C2orf42: variants seen among roughly 807,000 people sequenced by gnomAD.
C2orf42 encodes the protein uncharacterized protein C2orf42.
A neutral mutation model predicts 58.9 loss-of-function variants in C2orf42; 44 were observed. The observed-to-expected ratio is 0.75, with a 90% confidence interval of 0.59 to 0.96. The LOEUF (loss-of-function observed/expected upper bound fraction) is 0.96. C2orf42 is among the 40% of genes least tolerant of loss of function. The probability of loss-of-function intolerance (pLI) is 0.00; values close to 1 mark genes in which losing one functional copy is unlikely to be tolerated. For synonymous variants in C2orf42, 239 were observed against 265.4 expected, an observed-to-expected ratio of 0.90 and a Z score of 0.97; for missense variants, 630 against 699.2, an observed-to-expected ratio of 0.90 and a Z score of 1.12.
chr2:70,149,940 G>C lies in C2orf42; in HGVS notation c.*416C>G, dbSNP rs1014333472. Reference sequence around the variant, plus strand: ...GAGAACAGAATAAAGAGCGTGGCTGGAACTCTGCCAAGATGGTCTTTAACA... The same window carrying C: ...GAGAACAGAATAAAGAGCGTGGCTGCAACTCTGCCAAGATGGTCTTTAACA... On this transcript the variant is annotated 3_prime_UTR_variant, in exon 10 of 10. Coordinates refer to ENST00000264434, the MANE Select transcript of C2orf42 (RefSeq NM_017880.3). 1.0e-5 allele frequency: 2 copies of C among 195,890 alleles called. No homozygotes were observed. The highest frequency in any genetic ancestry group is 4.7e-5 in the African/African-American group (2 of 42,326). The allele number at this position is 195,890 out of a possible 1,614,324, so 12.1% of individuals were successfully genotyped here.
intron 9 of C2orf42, among the ~76,000 whole-genome samples, chr2:70,158,306 G>T (rs989460511): frequency 1.3e-5 from 2 of 151,870 alleles, no homozygotes; most frequent in South Asian, 4.1e-4. Context: ...CAACTAATTT[G>T]AAATTTTAAA....
In C2orf42 at chr2:70,162,173, G is replaced by A. The variant is rs1373760858; in HGVS notation, c.1354-1386C>T. Reference sequence around the variant, plus strand: ...ATTACAGGAGCAAGCCACCACGCCCGGCTAATTTTTGTATTCTAGTAGAGA... The same window carrying A: ...ATTACAGGAGCAAGCCACCACGCCCAGCTAATTTTTGTATTCTAGTAGAGA... On this transcript the variant is annotated intron_variant, in intron 8 of 9. Transcript: ENST00000264434. 4.6e-5 allele frequency among the ~76,000 whole-genome samples: 7 copies of A among 151,378 alleles called. 1 individual carries two copies. In the South Asian group the frequency reaches 6.3e-4, roughly 14 times the overall value.
intron 4 of C2orf42, among the ~76,000 whole-genome samples, chr2:70,177,497 T>C (rs1339430087): frequency 6.6e-6 from 1 of 152,136 alleles, no homozygotes; most frequent in Non-Finnish European, 1.5e-5. Context: ...CCTGCCAGAA[T>C]TGCCTCTCTA....
chr2:70,154,065 AAACAAAC>A (rs1672486071), intron 9 of C2orf42, among the ~76,000 whole-genome samples: 2 of 113,262 alleles, frequency 1.8e-5, no homozygotes, highest in African/African-American at 1.1e-4. Flanking sequence ...AAAAACAAAC[AAACAAAC>A]AAAAAAAAAA....
chr2:70,170,422 T>C lies in C2orf42; in HGVS notation c.1040-761A>G, dbSNP rs1673730790. On this transcript the variant is annotated intron_variant, in intron 5 of 9. Coordinates refer to ENST00000264434, the MANE Select transcript of C2orf42 (RefSeq NM_017880.3). ...ACCATGCCCAGCCAATTTTGTTTTCTTTTTAATAGAGACAGGGTTTTTGCC... is the reference window on the plus strand; with the variant it reads ...ACCATGCCCAGCCAATTTTGTTTTCCTTTTAATAGAGACAGGGTTTTTGCC... Among the ~76,000 whole-genome samples, 3 of 151,848 alleles carry C rather than the reference T, an allele frequency of 2.0e-5. No homozygotes were observed. In the South Asian group the frequency reaches 6.2e-4, roughly 32 times the overall value.
intron 5 of C2orf42, 104 bp from the exon 6 acceptor site, chr2:70,169,765 T>A: frequency 1.6e-6 from 1 of 633,690 alleles, no homozygotes; most frequent in East Asian, 2.8e-5. Context: ...TTTATTTTTA[T>A]TTTATTTTTT....
At chr2:70,174,736 T>C (rs748695849) in intron 5 of C2orf42, among the ~76,000 whole-genome samples, 18 of 151,808 alleles carry the variant, frequency 1.2e-4, no homozygotes, top group African/African-American at 4.4e-4. Flanking sequence ...AATGGTGCGA[T>C]CTTGGCTCAC....
chr2:70,170,106 C>T (rs532784155), intron 5 of C2orf42, among the ~76,000 whole-genome samples: 21 of 150,744 alleles, frequency 1.4e-4, no homozygotes, highest in Non-Finnish European at 2.8e-4. Context: ...CAGCTGGCTT[C>T]GAACTCCTAG....
intron 4 of C2orf42, among the ~76,000 whole-genome samples, chr2:70,177,009 C>T (rs1205561897): frequency 6.6e-6 from 1 of 152,102 alleles, no homozygotes; most frequent in East Asian, 1.9e-4. Flanking sequence ...TGGTGGCTCA[C>T]ACCTGTAATC....
intron 5 of C2orf42, among the ~76,000 whole-genome samples, chr2:70,172,578 C>CTAAG (rs779311550): frequency 8.5e-5 from 13 of 152,122 alleles, no homozygotes; most frequent in Non-Finnish European, 1.8e-4. Flanking sequence ...ACTTGGGAGG[C>CTAAG]TAAGGTGGGA....
intron 9 of C2orf42, among the ~76,000 whole-genome samples, chr2:70,153,826 G>A (rs1156308032): frequency 6.6e-6 from 1 of 150,562 alleles, no homozygotes; most frequent in African/African-American, 2.4e-5. Context: ...TTGGGAGGCC[G>A]AGGCGGGTGG....
intron 5 of C2orf42, among the ~76,000 whole-genome samples, chr2:70,174,164 C>T (rs1290703545): frequency 2.0e-5 from 3 of 151,878 alleles, no homozygotes; most frequent in Non-Finnish European, 2.9e-5. Context: ...AAAAATTAGC[C>T]GGGCATGGTG....
chr2:70,152,713 G>A (rs924163921), intron 9 of C2orf42, among the ~76,000 whole-genome samples: 1 of 152,116 alleles, frequency 6.6e-6, no homozygotes, highest in African/African-American at 2.4e-5. Context: ...ACTGCAAAGG[G>A]GACTTGGAGG....
intron 1 of C2orf42, among the ~76,000 whole-genome samples, chr2:70,189,876 A>G (rs1389470900): frequency 2.0e-5 from 3 of 151,448 alleles, no homozygotes; most frequent in African/African-American, 7.3e-5. Context: ...AAAAAAAAAG[A>G]TACACTGTGG....
chr2:70,183,793 C>T (rs1382642560), intron 1 of C2orf42, among the ~76,000 whole-genome samples: 1 of 151,280 alleles, frequency 6.6e-6, no homozygotes, highest in African/African-American at 2.4e-5. Flanking sequence ...CTCATCCTTC[C>T]TAATAGTAAT....
At chr2:70,150,607 T>G in intron 9 of C2orf42, 43 bp from the exon 10 acceptor site, 3 of 1,447,458 alleles carry the variant, frequency 2.1e-6, no homozygotes, top group Non-Finnish European at 2.9e-6. Flanking sequence ...CACCTAACTC[T>G]AATGGGTGTT....
At chr2:70,184,404 T>C (rs1674785056) in intron 1 of C2orf42, among the ~76,000 whole-genome samples, 2 of 151,732 alleles carry the variant, frequency 1.3e-5, no homozygotes, top group African/African-American at 4.8e-5. Context: ...TTTGAACTCC[T>C]GACCTCCAGT....
At chr2:70,163,659 G>A (rs1673207175) in intron 8 of C2orf42, among the ~76,000 whole-genome samples, 2 of 152,190 alleles carry the variant, frequency 1.3e-5, no homozygotes, top group East Asian at 3.9e-4. Context: ...AGACCAGCCT[G>A]GCCAACATGG....
rs751690032 is a variant in C2orf42, at chr2:70,165,231, A to G, written c.1253-39T>C. The stretch of plus-strand genomic sequence containing the variant: ...AAAGGACAAAATTAGATTACCAAAA[A>G]ATAACATTTTCTTTTGTTGTATTTG... On this transcript the variant is annotated intron_variant, in intron 7 of 9. Coordinates refer to ENST00000264434, the MANE Select transcript of C2orf42 (RefSeq NM_017880.3). The G allele has an allele frequency of 6.0e-6, 7 of 1,158,884 alleles. No individual in the cohort carries two copies. The Admixed American group carries it at 1.1e-4, about 18-fold the overall frequency. 71.8% of individuals were successfully genotyped at this position (1,158,884 alleles called of 1,614,324 possible).
Sources: allele counts gnomAD v4.1 joint callset (sites outside exome capture counted in the v4.1 genomes callset), GRCh38; gene constraint gnomAD v4.1.1; transcripts MANE v1.5; gene names NCBI Gene and HGNC (gene_info 2026-07-23, HGNC 2026-07-21).